Variants in FSTL4 observed in about 807,000 individuals in gnomAD.
FSTL4 encodes the protein follistatin like 4.
In FSTL4, 28 loss-of-function variants were observed where a neutral mutation model predicts 78.2. The observed-to-expected ratio is 0.36, with a 90% CI of 0.27 to 0.49. The LOEUF is 0.49. Ranked by LOEUF, FSTL4 falls within the 20% of genes least tolerant of loss-of-function variation. The pLI is 0.98. For synonymous variants in FSTL4, 422 were observed against 440.5 expected (o/e 0.96, Z 0.53); for missense variants, 922 against 1,084.9 (o/e 0.85, Z 2.11).
the FSTL4 span, among the ~76,000 whole-genome samples, chr5:133,826,778 C>T: frequency 6.6e-6 from 1 of 152,226 alleles, no homozygotes; most frequent in African/African-American, 2.4e-5. Context: ...CCTATTCAAC[C>T]TAGTCTATAC....
intron 4 of FSTL4, among the ~76,000 whole-genome samples, chr5:133,362,245 A>G (rs1282244194): frequency 6.6e-6 from 1 of 152,266 alleles, no homozygotes; most frequent in Admixed American, 6.5e-5. Context: ...TGAAATATGT[A>G]ATATTTTACT....
chr5:133,645,981 T>C, the FSTL4 span, among the ~76,000 whole-genome samples: 1 of 152,138 alleles, frequency 6.6e-6, no homozygotes, highest in Non-Finnish European at 1.5e-5. Flanking sequence ...TAGTGCATTG[T>C]GTTATGGCAA....
intron 4 of FSTL4, among the ~76,000 whole-genome samples, chr5:133,368,284 C>T (rs1755219521): frequency 6.6e-6 from 1 of 152,248 alleles, no homozygotes; most frequent in East Asian, 1.9e-4. Flanking sequence ...GACTGAGTCC[C>T]AGTAACATCC....
chr5:133,465,805 C>G (rs1757695382), intron 3 of FSTL4, among the ~76,000 whole-genome samples: 1 of 152,196 alleles, frequency 6.6e-6, no homozygotes, highest in Non-Finnish European at 1.5e-5. Context: ...TTAATGAGGA[C>G]CCTGACAAAG....
the FSTL4 span, among the ~76,000 whole-genome samples, chr5:133,680,633 A>G: frequency 4.6e-5 from 7 of 152,314 alleles, no homozygotes; most frequent in African/African-American, 1.4e-4. Flanking sequence ...ATGTGTCCTC[A>G]ATACACACCT....
At chr5:133,704,747 C>A in the FSTL4 span, among the ~76,000 whole-genome samples, 1 of 152,240 alleles carries the variant, frequency 6.6e-6, no homozygotes. Flanking sequence ...CCTGTCATCA[C>A]TACTTCAGGT....
chr5:133,213,035 C>T (rs530983658), intron 13 of FSTL4, among the ~76,000 whole-genome samples: 15 of 143,866 alleles, frequency 1.0e-4, no homozygotes, highest in South Asian at 2.2e-4. Flanking sequence ...TTTTTTGAGA[C>T]GGAGTCTCCC....
chr5:133,389,821 C>T (rs1000908535), intron 4 of FSTL4, among the ~76,000 whole-genome samples: 2 of 152,122 alleles, frequency 1.3e-5, no homozygotes, highest in African/African-American at 4.8e-5. Flanking sequence ...TATAAAAATA[C>T]CTTGGGTTTA....
chr5:133,346,034 C>T (rs1754691576), intron 4 of FSTL4, among the ~76,000 whole-genome samples: 1 of 152,184 alleles, frequency 6.6e-6, no homozygotes, highest in African/African-American at 2.4e-5. Flanking sequence ...AAATGTGGCA[C>T]ATACACAACA....
chr5:133,725,834 G>A, the FSTL4 span, among the ~76,000 whole-genome samples: 2 of 152,176 alleles, frequency 1.3e-5, no homozygotes, highest in African/African-American at 4.8e-5. Context: ...GGCATCAGGT[G>A]GGTTTCCACT....
chr5:133,211,594 T>G (rs1446563129), intron 13 of FSTL4, among the ~76,000 whole-genome samples: 2 of 152,242 alleles, frequency 1.3e-5, no homozygotes, highest in African/African-American at 4.8e-5. Context: ...TAAGCATTTC[T>G]CCTTAACTCA....
chr5:133,227,272 G>C (rs1236140137), intron 8 of FSTL4, among the ~76,000 whole-genome samples: 2 of 152,216 alleles, frequency 1.3e-5, no homozygotes, highest in East Asian at 3.8e-4. Context: ...AGAAAAGCCT[G>C]TCACAAGTCA....
the FSTL4 span, among the ~76,000 whole-genome samples, chr5:133,756,992 T>G: frequency 6.6e-6 from 1 of 152,112 alleles, no homozygotes; most frequent in East Asian, 1.9e-4. Context: ...GTGGCCCCCA[T>G]CTAACTCTTC....
intron 3 of FSTL4, among the ~76,000 whole-genome samples, chr5:133,457,199 T>C (rs753409464): frequency 9.9e-5 from 15 of 152,216 alleles, no homozygotes; most frequent in Non-Finnish European, 1.5e-4. Flanking sequence ...ATTCCCTCCC[T>C]GTGGCTGCAG....
At chr5:133,391,116 A>G (rs1755838064) in intron 4 of FSTL4, among the ~76,000 whole-genome samples, 1 of 152,178 alleles carries the variant, frequency 6.6e-6, no homozygotes, top group Non-Finnish European at 1.5e-5. Flanking sequence ...GCGTACAGAG[A>G]CCACGTATTT....
rs1187966204 is a variant in FSTL4 at position 133,448,739 on chromosome 5, CGGG to C, written c.161-47756_161-47754del. 2.6e-4 allele frequency among the ~76,000 whole-genome samples: 5 copies of C among 19,450 alleles called. No homozygotes were observed. The East Asian group carries it at 8.4e-3, about 33-fold the overall frequency. The allele number at this position is 19,450 out of a possible 152,430, so 12.8% of individuals were successfully genotyped here. A position where few individuals can be genotyped will look rare whatever the true frequency, so the allele number is the denominator to read the frequency against. ...TTCAGAATCCCCAGGGGTGCGGGGG[CGGG>C]GGGGGGGGGCGCTCAGAATTTTCCG... On this transcript the variant is annotated intron_variant, in intron 3 of 15. Coordinates refer to ENST00000265342, the MANE Select transcript of FSTL4 (RefSeq NM_015082.2).
In FSTL4 at chr5:133,395,696, G is replaced by A. The variant is rs149619967; in HGVS notation, c.409+5042C>T. On this transcript the variant is annotated intron_variant, in intron 4 of 15. Transcript: ENST00000265342. ...GATCCCATAATCACTTGCTCTTCCC[G>A]GAGACTGGAGGTACTTCATGCCTGT... Among the ~76,000 whole-genome samples, 346 of 151,746 alleles carry A rather than the reference G, an allele frequency of 2.3e-3. 2 individuals are homozygous for A. Among genetic ancestry groups the A allele is most frequent in the East Asian group, 7.7e-3 (40 of 5,166 alleles).
At chr5:133,310,402 T>C (rs1753752011) in intron 6 of FSTL4, among the ~76,000 whole-genome samples, 1 of 152,232 alleles carries the variant, frequency 6.6e-6, no homozygotes, top group Non-Finnish European at 1.5e-5. Flanking sequence ...GGTCAGGTAA[T>C]GACGTCCTTC....
chr5:133,461,449 G>C (rs1757589256), intron 3 of FSTL4, among the ~76,000 whole-genome samples: 1 of 152,136 alleles, frequency 6.6e-6, no homozygotes, highest in South Asian at 2.1e-4. Flanking sequence ...TAACTCTACA[G>C]TGCAATCTCC....
Sources: allele counts gnomAD v4.1 joint callset (sites outside exome capture counted in the v4.1 genomes callset), GRCh38; gene constraint gnomAD v4.1.1; transcripts MANE v1.5; gene names NCBI Gene and HGNC (gene_info 2026-07-23, HGNC 2026-07-21).